The following SDK1 variants were observed in gnomAD, a reference collection of about 807,000 sequenced individuals.
SDK1 encodes the protein sidekick cell adhesion molecule 1, also known as protein sidekick-1.
A neutral mutation model predicts 245.5 loss-of-function variants in SDK1; 157 were observed. The observed-to-expected ratio is 0.64, with a 90% CI of 0.56 to 0.73. The LOEUF (loss-of-function observed/expected upper bound fraction) is 0.73, where lower values mean the gene tolerates loss of function less well. Ranked by LOEUF, SDK1 falls within the 30% of genes least tolerant of loss-of-function variation. The pLI is 0.00. For synonymous variants in SDK1, 1,647 were observed against 1,278.5 expected, an observed-to-expected ratio of 1.29 and a Z score of -6.15; for missense variants, 3,583 against 3,002.3, an observed-to-expected ratio of 1.19 and a Z score of -4.52.
chr7:3,378,919 C>G (rs943370560), intron 1 of SDK1, among the ~76,000 whole-genome samples: 1 of 152,008 alleles, frequency 6.6e-6, no homozygotes, highest in African/African-American at 2.4e-5. Flanking sequence ...GCATGCTCAC[C>G]GACCTCCCAC....
At chr7:3,620,185 T>C (rs1300585298) in intron 2 of SDK1, among the ~76,000 whole-genome samples, 1 of 152,182 alleles carries the variant, frequency 6.6e-6, no homozygotes, top group Admixed American at 6.5e-5. Context: ...TCTGAGGTTG[T>C]GATACGGTGG....
chr7:3,766,394 A>G (rs1780253657), intron 4 of SDK1, among the ~76,000 whole-genome samples: 1 of 152,174 alleles, frequency 6.6e-6, no homozygotes. Context: ...ATAACTAAAA[A>G]TGAGGTCTCT....
chr7:3,381,618 C>A (rs1019831937), intron 1 of SDK1, among the ~76,000 whole-genome samples: 1 of 152,026 alleles, frequency 6.6e-6, no homozygotes, highest in Non-Finnish European at 1.5e-5. Context: ...CCATTAAAGA[C>A]GTTTGAGAAG....
At chr7:3,656,007 A>G (rs968082003) in intron 4 of SDK1, among the ~76,000 whole-genome samples, 1 of 152,210 alleles carries the variant, frequency 6.6e-6, no homozygotes, top group Non-Finnish European at 1.5e-5. Flanking sequence ...TGAAGTACGC[A>G]TGGTGTGGTG....
chr7:3,576,444 C>T (rs978682405), intron 1 of SDK1, among the ~76,000 whole-genome samples: 10 of 152,032 alleles, frequency 6.6e-5, no homozygotes, highest in African/African-American at 2.4e-4. Flanking sequence ...GTACACAAAA[C>T]ATTGAGCAAA....
intron 20 of SDK1, among the ~76,000 whole-genome samples, chr7:4,074,916 A>ATATATTT (rs1434239449): frequency 1.1e-4 from 7 of 64,598 alleles, no homozygotes; most frequent in Middle Eastern, 0.012. Flanking sequence ...ATATATATAT[A>ATATATTT]TTTTTTTTTT....
chr7:3,694,843 C>G (rs896504396), intron 4 of SDK1, among the ~76,000 whole-genome samples: 2 of 152,116 alleles, frequency 1.3e-5, no homozygotes, highest in African/African-American at 4.8e-5. Flanking sequence ...ACATGCAGGC[C>G]TTACTGAAAA....
intron 1 of SDK1, among the ~76,000 whole-genome samples, chr7:3,327,149 G>C (rs1024831802): frequency 1.3e-4 from 20 of 152,222 alleles, no homozygotes; most frequent in African/African-American, 4.6e-4. Flanking sequence ...GAAGAATATT[G>C]ACAAATGAGC....
intron 4 of SDK1, among the ~76,000 whole-genome samples, chr7:3,817,134 C>T (rs1020865627): frequency 5.3e-5 from 8 of 152,082 alleles, no homozygotes; most frequent in Non-Finnish European, 1.0e-4. Flanking sequence ...TATTGATAAC[C>T]AAAGACAATT....
At chr7:3,860,704 T>G (rs78233856) in intron 5 of SDK1, among the ~76,000 whole-genome samples, 285 of 152,268 alleles carry the variant, frequency 1.9e-3, no homozygotes, top group Middle Eastern at 6.8e-3. Context: ...CCTCTCCCCT[T>G]GGAGGCCTGT....
At chr7:3,372,883 C>T (rs11771359) in intron 1 of SDK1, among the ~76,000 whole-genome samples, 73,994 of 152,000 alleles carry the variant, frequency 0.49, 19,303 homozygotes, top group East Asian at 0.61. Context: ...AAACTTGCTT[C>T]AGTCTGTTTC....
intron 1 of SDK1, among the ~76,000 whole-genome samples, chr7:3,516,596 A>G (rs1263606826): frequency 1.3e-5 from 2 of 152,122 alleles, no homozygotes; most frequent in Non-Finnish European, 2.9e-5. Flanking sequence ...TAAGGAATTC[A>G]TTTTCTGGTG....
At chr7:4,073,851 T>A (rs1461972039) in intron 20 of SDK1, among the ~76,000 whole-genome samples, 1 of 152,088 alleles carries the variant, frequency 6.6e-6, no homozygotes, top group African/African-American at 2.4e-5. Context: ...TTAATGCCGG[T>A]CTTGCAAGAT....
At chr7:3,994,875 G>A (rs929680712) in intron 14 of SDK1, among the ~76,000 whole-genome samples, 2 of 152,142 alleles carry the variant, frequency 1.3e-5, no homozygotes, top group South Asian at 2.1e-4. Flanking sequence ...CCACCAGAGC[G>A]AGCTCAGTAG....
chr7:3,829,525 A>T (rs1362215464), intron 5 of SDK1, among the ~76,000 whole-genome samples: 1 of 152,176 alleles, frequency 6.6e-6, no homozygotes, highest in Non-Finnish European at 1.5e-5. Flanking sequence ...AAGAATAGTC[A>T]ATGGGAAGTT....
chr7:3,676,309 G>T (rs1783893699), intron 4 of SDK1, among the ~76,000 whole-genome samples: 1 of 146,400 alleles, frequency 6.8e-6, no homozygotes, highest in Non-Finnish European at 1.5e-5. Flanking sequence ...ACCACACCTG[G>T]CCTCTTCTAG....
chr7:3,561,133 G>C (rs6969327), intron 1 of SDK1, among the ~76,000 whole-genome samples: 4,167 of 152,174 alleles, frequency 0.027, 180 homozygotes, highest in African/African-American at 0.09. Flanking sequence ...GGGTAGGGGA[G>C]AAAGGCACCT....
At chr7:3,826,395 T>C (rs554474750) in intron 5 of SDK1, among the ~76,000 whole-genome samples, 1 of 152,260 alleles carries the variant, frequency 6.6e-6, no homozygotes, top group Non-Finnish European at 1.5e-5. Flanking sequence ...TACAATCTAG[T>C]TTTTTGGAAA....
At chr7:3,989,561 C>G (rs894956232) in intron 14 of SDK1, among the ~76,000 whole-genome samples, 1 of 152,134 alleles carries the variant, frequency 6.6e-6, no homozygotes, top group Non-Finnish European at 1.5e-5. Context: ...CTGTGGTTGT[C>G]TCTGGATGAT....
Sources: allele counts gnomAD v4.1 joint callset (sites outside exome capture counted in the v4.1 genomes callset), GRCh38; gene constraint gnomAD v4.1.1; transcripts MANE v1.5; gene names NCBI Gene and HGNC (gene_info 2026-07-23, HGNC 2026-07-21).